ANKFN1: variants seen among roughly 807,000 people sequenced by gnomAD.
The protein encoded by ANKFN1 is ankyrin repeat and fibronectin type III domain containing 1, also known as ankyrin repeat and fibronectin type-III domain-containing protein 1.
ANKFN1 carries 74 observed loss-of-function variants against 108.7 expected under a neutral mutation model. The observed-to-expected ratio is 0.68, with a 90% CI of 0.56 to 0.83. The LOEUF is 0.83. Ranked by LOEUF, ANKFN1 falls within the 40% of genes least tolerant of loss-of-function variation. The pLI is 0.00. For missense variants in ANKFN1, 1,505 were observed against 1,382.3 expected (o/e 1.09, Z -1.41); for synonymous variants, 547 against 516.2 (o/e 1.06, Z -0.81).
intron 2 of ANKFN1, among the ~76,000 whole-genome samples, chr17:56,219,862 A>G (rs1213257575): frequency 1.3e-5 from 2 of 152,228 alleles, no homozygotes; most frequent in Non-Finnish European, 2.9e-5. Context: ...CTGTCAGAGC[A>G]GTTTCATTAA....
In ANKFN1 at chr17:56,482,489, G is replaced by T. The variant is rs747550211; in HGVS notation, c.2225G>T (p.Gly742Val). 1.2e-6 allele frequency: 2 copies of T among 1,612,496 alleles called. No individual in the cohort carries two copies. Among genetic ancestry groups the T allele is most frequent in the South Asian group, 2.2e-5 (2 of 90,706 alleles). Residue 742 changes from glycine to valine, a missense_variant, in exon 18 of 21, where the codon GGG (glycine) becomes GTG (valine). By Grantham distance (109) the Gly-to-Val change is moderately radical. Transcript: ENST00000682825. The stretch of plus-strand genomic sequence containing the variant: ...AATAATCCTTACACCCCACACTCAG[G>T]GTTTCTTAACCTCCCTCTTCAGATG... ...GQNNPYTPHS[G>V]FLNLPLQMFE...
At chr17:56,486,855 T>A (rs1330887419) in intron 18 of ANKFN1, among the ~76,000 whole-genome samples, 1 of 152,244 alleles carries the variant, frequency 6.6e-6, no homozygotes, top group Non-Finnish European at 1.5e-5. Context: ...TATTTCAGTT[T>A]GACTTGTATA....
chr17:56,510,934 C>G lies in ANKFN1; in HGVS notation c.3106C>G (p.Gln1036Glu). ...SLSLSEGIYT[Q>E]HLSQACGLAQ... Reference sequence around the variant, plus strand: ...ATCGCTCTCTGAGGGCATTTATACACAGCACCTGTCCCAGGCCTGTGGTCT... The same window carrying G: ...ATCGCTCTCTGAGGGCATTTATACAGAGCACCTGTCCCAGGCCTGTGGTCT... The change falls in exon 21 of 21, where the codon CAG (glutamine) becomes GAG (glutamate). Residue 1036 changes from glutamine (Q) to glutamate (E), a missense_variant. Coordinates refer to ENST00000682825, the MANE Select transcript of ANKFN1 (RefSeq NM_001370326.1). 6.5e-7 allele frequency: 1 copy of G among 1,536,176 alleles called. No individual in the cohort carries two copies. The highest frequency in any genetic ancestry group is 8.7e-7 in the Non-Finnish European group (1 of 1,146,908).
rs551932437 is a variant in ANKFN1, at chr17:56,346,941, A to G, written c.189-3825A>G. 2.5e-4 allele frequency among the ~76,000 whole-genome samples: 38 copies of G among 152,054 alleles called. No homozygotes were observed. The Middle Eastern group carries it at 0.01, about 41-fold the overall frequency. On this transcript the variant is annotated intron_variant, in intron 4 of 20. Coordinates refer to ENST00000682825, the MANE Select transcript of ANKFN1 (RefSeq NM_001370326.1). ...TGAAATTCTGATACTGTTACCTACAATCTCTGTGACTTTGGGCACCTTATT... is the reference window on the plus strand; with the variant it reads ...TGAAATTCTGATACTGTTACCTACAGTCTCTGTGACTTTGGGCACCTTATT...
chr17:56,176,903 G>T (rs1457491052), intron 1 of ANKFN1, among the ~76,000 whole-genome samples: 1 of 152,168 alleles, frequency 6.6e-6, no homozygotes, highest in Non-Finnish European at 1.5e-5. Context: ...GAGTCTCACA[G>T]GACACAATGC....
intron 3 of ANKFN1, among the ~76,000 whole-genome samples, chr17:56,242,213 G>A (rs1176011574): frequency 6.6e-6 from 1 of 151,920 alleles, no homozygotes; most frequent in Non-Finnish European, 1.5e-5. Flanking sequence ...AATTTCTTGT[G>A]TGACTTTTAA....
At chr17:56,174,311 C>T (rs1415593094) in intron 1 of ANKFN1, 2 of 985,488 alleles carry the variant, frequency 2.0e-6, no homozygotes, top group Non-Finnish European at 1.2e-6. Flanking sequence ...GCCAGGGGAC[C>T]CTGGAGCTGA....
intron 18 of ANKFN1, among the ~76,000 whole-genome samples, chr17:56,485,646 T>A (rs896545678): frequency 6.6e-5 from 10 of 152,176 alleles, no homozygotes; most frequent in Admixed American, 2.6e-4. Context: ...AAATAAAAAA[T>A]TTTAAAAATA....
chr17:56,112,494 G>A (rs538896875), intron 4 of ANKFN1, among the ~76,000 whole-genome samples: 4 of 151,914 alleles, frequency 2.6e-5, no homozygotes, highest in Non-Finnish European at 4.4e-5. Context: ...AGAGTAAAAA[G>A]TGAAATTCTC....
chr17:56,401,346 GTAT>G, intron 8 of ANKFN1, among the ~76,000 whole-genome samples: 1 of 60,636 alleles, frequency 1.6e-5, no homozygotes, highest in African/African-American at 4.4e-5. Context: ...GTATTGTATT[GTAT>G]TGTATTGTAT....
At chr17:56,308,203 G>A (rs576403751) in intron 3 of ANKFN1, among the ~76,000 whole-genome samples, 114 of 151,264 alleles carry the variant, frequency 7.5e-4, no homozygotes, top group African/African-American at 2.6e-3. Context: ...TAACATGCAC[G>A]TTGTGCACAT....
intron 4 of ANKFN1, among the ~76,000 whole-genome samples, chr17:56,134,390 C>T (rs773213024): frequency 6.6e-5 from 10 of 152,090 alleles, no homozygotes; most frequent in South Asian, 2.1e-4. Flanking sequence ...CTCCCCTCTC[C>T]GGAGAATGGG....
intron 1 of ANKFN1, among the ~76,000 whole-genome samples, chr17:56,208,892 AT>A (rs1405700849): frequency 2.0e-5 from 3 of 150,890 alleles, no homozygotes; most frequent in Non-Finnish European, 3.0e-5. Context: ...TATTATTATT[AT>A]TTTTTTTTAA....
chr17:56,166,065 A>G (rs1484804740), intron 1 of ANKFN1, among the ~76,000 whole-genome samples: 2 of 152,094 alleles, frequency 1.3e-5, no homozygotes, highest in African/African-American at 2.4e-5. Context: ...TCACCTACCA[A>G]TAGTTCAAAT....
At chr17:56,185,925 G>GAA (rs11284568) in intron 1 of ANKFN1, among the ~76,000 whole-genome samples, 1 of 150,002 alleles carries the variant, frequency 6.7e-6, no homozygotes, top group East Asian at 1.9e-4. Context: ...AAATTAAAGT[G>GAA]AAAAAAAAAA....
chr17:56,500,049 C>T (rs2051318198), intron 20 of ANKFN1, among the ~76,000 whole-genome samples: 1 of 152,196 alleles, frequency 6.6e-6, no homozygotes, highest in Non-Finnish European at 1.5e-5. Flanking sequence ...ATTCAAATCC[C>T]AGCTTTGTTT....
At position 56,516,961 on chromosome 17, in the gene ANKFN1, A is replaced by G. The variant is rs940647974; in HGVS notation, c.*5692A>G. Among the ~76,000 whole-genome samples the G allele has an allele frequency of 1.3e-5, 2 of 152,160 alleles. No homozygotes were observed. Among genetic ancestry groups the G allele is most frequent in the African/African-American group, 4.8e-5 (2 of 41,442 alleles). ...TGTTTAAGGGACAGTTTCCAAGCCC[A>G]TTTGTCTTAAGTGTGGAAAAATGTT... On this transcript the variant is annotated 3_prime_UTR_variant, in exon 21 of 21. Coordinates refer to ENST00000682825, the MANE Select transcript of ANKFN1 (RefSeq NM_001370326.1).
At chr17:56,283,647 C>T (rs2044143902) in intron 3 of ANKFN1, among the ~76,000 whole-genome samples, 1 of 151,702 alleles carries the variant, frequency 6.6e-6, no homozygotes, top group Admixed American at 6.6e-5. Flanking sequence ...AATGGAAAAC[C>T]AAACATCATA....
Position 56,414,724 on chromosome 17 carries a change from A to G in ANKFN1, c.911-25603A>G, listed in dbSNP as rs187162566. Among the ~76,000 whole-genome samples, 279 of 152,306 alleles carry G rather than the reference A, an allele frequency of 1.8e-3. 1 individual carries two copies. Among genetic ancestry groups the G allele is most frequent in the Non-Finnish European group, 3.1e-3 (211 of 68,010 alleles). On this transcript the variant is annotated intron_variant, in intron 8 of 20. Coordinates refer to ENST00000682825, the MANE Select transcript of ANKFN1 (RefSeq NM_001370326.1). ...ATAAAATTCAACATCCTTTCATGAT[A>G]AAAACCCTCAAAAGGCTAGGCATGG... is the stretch of plus-strand genomic sequence containing the variant.
Sources: allele counts gnomAD v4.1 joint callset (sites outside exome capture counted in the v4.1 genomes callset), GRCh38; gene constraint gnomAD v4.1.1; transcripts MANE v1.5; gene names NCBI Gene and HGNC (gene_info 2026-07-23, HGNC 2026-07-21).